Variants in LRRC4C observed in about 807,000 individuals in gnomAD.
LRRC4C encodes leucine rich repeat containing 4C, also known as leucine-rich repeat-containing protein 4C.
In LRRC4C, 5 loss-of-function variants were observed where a neutral mutation model predicts 33.6. The ratio of observed to expected loss-of-function variants is 0.15; its 90% CI spans 0.08 to 0.31. LRRC4C has a LOEUF of 0.31. LRRC4C is among the 10% of genes least tolerant of loss of function. The pLI is 1.00. For synonymous variants in LRRC4C, 329 were observed against 302.0 expected (o/e 1.09, Z -0.93); for missense variants, 560 against 796.7 (o/e 0.70, Z 3.58).
chr11:41,237,761 G>A (rs1266574684), intron 1 of LRRC4C, among the ~76,000 whole-genome samples: 2 of 151,990 alleles, frequency 1.3e-5, no homozygotes, highest in African/African-American at 2.4e-5. Context: ...TCTAGATCCC[G>A]GTAGAGTGTC....
chr11:41,248,894 C>T (rs1275509852), intron 1 of LRRC4C, among the ~76,000 whole-genome samples: 1 of 152,190 alleles, frequency 6.6e-6, no homozygotes, highest in Non-Finnish European at 1.5e-5. Context: ...CAGACCAAAA[C>T]GTTGCTTTAG....
At chr11:41,411,142 ATTTTTTT>A (rs370574515) in intron 1 of LRRC4C, among the ~76,000 whole-genome samples, 29,106 of 57,608 alleles carry the variant, frequency 0.51, 7,302 homozygotes, top group Admixed American at 0.63. Flanking sequence ...TTGGTACCCT[ATTTTTTT>A]TTTTTTTTTT....
intron 1 of LRRC4C, among the ~76,000 whole-genome samples, chr11:41,095,278 A>G (rs772187047): frequency 2.0e-5 from 3 of 152,180 alleles, no homozygotes; most frequent in Admixed American, 6.5e-5. Flanking sequence ...TGACAAGAAC[A>G]GCATGGGGGA....
intron 1 of LRRC4C, among the ~76,000 whole-genome samples, chr11:41,135,196 T>A (rs1943202785): frequency 6.6e-6 from 1 of 152,166 alleles, no homozygotes; most frequent in African/African-American, 2.4e-5. Flanking sequence ...CTTTCAAATC[T>A]GCTAAAAATC....
intron 5 of LRRC4C, among the ~76,000 whole-genome samples, chr11:40,153,147 G>T (rs1440607399): frequency 6.6e-6 from 1 of 152,168 alleles, no homozygotes; most frequent in Admixed American, 6.5e-5. Context: ...TACCAGCCTG[G>T]AGCCGAGCAG....
intron 2 of LRRC4C, among the ~76,000 whole-genome samples, chr11:40,761,533 A>G (rs1303969134): frequency 6.6e-6 from 1 of 152,150 alleles, no homozygotes; most frequent in Non-Finnish European, 1.5e-5. Flanking sequence ...TGGATTGCTA[A>G]AAAGAAAATA....
At chr11:40,980,042 G>T (rs928200339) in intron 1 of LRRC4C, among the ~76,000 whole-genome samples, 1 of 152,172 alleles carries the variant, frequency 6.6e-6, no homozygotes, top group East Asian at 1.9e-4. Flanking sequence ...TGGTTGAAAT[G>T]AAAGGAAAGT....
intron 3 of LRRC4C, among the ~76,000 whole-genome samples, chr11:40,569,286 T>G (rs888703859): frequency 6.6e-6 from 1 of 152,274 alleles, no homozygotes; most frequent in South Asian, 2.1e-4. Flanking sequence ...CTGAAACTGA[T>G]ATAAATGTGA....
intron 3 of LRRC4C, among the ~76,000 whole-genome samples, chr11:40,380,675 C>G (rs1401150008): frequency 6.6e-6 from 1 of 152,124 alleles, no homozygotes; most frequent in Non-Finnish European, 1.5e-5. Flanking sequence ...TCCTCTTTTA[C>G]TGTGTAAGGT....
chr11:41,101,817 G>A (rs1476476076), intron 1 of LRRC4C, among the ~76,000 whole-genome samples: 3 of 151,916 alleles, frequency 2.0e-5, no homozygotes, highest in Non-Finnish European at 2.9e-5. Flanking sequence ...AAAAAAGAGA[G>A]CATTACCTTT....
intron 3 of LRRC4C, among the ~76,000 whole-genome samples, chr11:40,596,510 C>T (rs947065294): frequency 3.3e-5 from 5 of 151,522 alleles, no homozygotes; most frequent in African/African-American, 7.3e-5. Flanking sequence ...TATTGTTAAC[C>T]GTAATCATCC....
intron 2 of LRRC4C, among the ~76,000 whole-genome samples, chr11:40,883,068 CAG>C (rs959977130): frequency 4.6e-5 from 7 of 152,090 alleles, no homozygotes; most frequent in Non-Finnish European, 1.0e-4. Context: ...ATCTCCGTCT[CAG>C]TGTACATATC....
chr11:41,119,918 G>A (rs879312264), intron 1 of LRRC4C, among the ~76,000 whole-genome samples: 1 of 152,104 alleles, frequency 6.6e-6, no homozygotes, highest in Non-Finnish European at 1.5e-5. Context: ...ACTAGTGTAG[G>A]ATTACACAGA....
At chr11:40,622,263 C>A (rs1045064679) in intron 3 of LRRC4C, among the ~76,000 whole-genome samples, 1 of 151,840 alleles carries the variant, frequency 6.6e-6, no homozygotes, top group African/African-American at 2.4e-5. Context: ...TTATGAAAAG[C>A]TTTACCTGAC....
At chr11:41,203,033 G>A (rs955985360) in intron 1 of LRRC4C, among the ~76,000 whole-genome samples, 11 of 152,138 alleles carry the variant, frequency 7.2e-5, no homozygotes, top group East Asian at 1.9e-4. Flanking sequence ...TGATCCACCC[G>A]CCTCAGCCTC....
At chr11:40,621,613 A>C (rs1333827665) in intron 3 of LRRC4C, among the ~76,000 whole-genome samples, 1 of 151,764 alleles carries the variant, frequency 6.6e-6, no homozygotes, top group East Asian at 1.9e-4. Context: ...GGTAATGATG[A>C]CTTTATCTAT....
intron 5 of LRRC4C, among the ~76,000 whole-genome samples, chr11:40,239,849 A>G (rs1477813461): frequency 6.6e-6 from 1 of 152,200 alleles, no homozygotes; most frequent in African/African-American, 2.4e-5. Context: ...ACCCCAACAA[A>G]TGTTTCTTCT....
chr11:40,592,593 T>C (rs1344693734), intron 3 of LRRC4C, among the ~76,000 whole-genome samples: 5 of 152,176 alleles, frequency 3.3e-5, no homozygotes, highest in African/African-American at 4.8e-5. Flanking sequence ...TGCCTTTTTT[T>C]GCAGATGTAG....
chr11:40,555,702 A>G (rs1353115541), intron 3 of LRRC4C, among the ~76,000 whole-genome samples: 1 of 152,218 alleles, frequency 6.6e-6, no homozygotes, highest in African/African-American at 2.4e-5. Context: ...AGCTAAAGAA[A>G]AAAGGACCGT....
Sources: gnomAD v4.1 joint callset for allele counts (sites outside exome capture counted in the v4.1 genomes callset) on GRCh38, gnomAD v4.1.1 for gene constraint, MANE v1.5 for transcripts, NCBI Gene and HGNC (gene_info 2026-07-23, HGNC 2026-07-21) for gene names.